Variants in CNBD1 observed in about 807,000 individuals in gnomAD.
CNBD1 encodes the protein cyclic nucleotide-binding domain-containing protein 1.
In CNBD1, 71 loss-of-function variants were observed where a neutral mutation model predicts 54.4. The observed-to-expected ratio is 1.30, with a 90% CI of 1.08 to 1.59. The LOEUF is 1.59. CNBD1 is among the 40% of genes most tolerant of loss of function. CNBD1 has a pLI of 0.00. For synonymous variants in CNBD1, 182 were observed against 170.7 expected (o/e 1.07, Z -0.51); for missense variants, 659 against 518.0 (o/e 1.27, Z -2.64).
intron 8 of CNBD1, among the ~76,000 whole-genome samples, chr8:87,334,929 T>G (rs1158286655): frequency 6.6e-6 from 1 of 151,950 alleles, no homozygotes; most frequent in African/African-American, 2.4e-5. Flanking sequence ...TTCCACCATT[T>G]TGGCCAGGAT....
At chr8:87,312,301 A>G (rs183764951) in intron 8 of CNBD1, among the ~76,000 whole-genome samples, 1 of 152,202 alleles carries the variant, frequency 6.6e-6, no homozygotes, top group African/African-American at 2.4e-5. Context: ...TTTTGTAACA[A>G]TTGTGTGTGA....
In CNBD1 at chr8:87,228,589, T is replaced by A. The variant is rs373660573; in HGVS notation, c.578-8330T>A. ...GTCAGGGACCCACTTGAGGAGGCAG[T>A]CCGCCCGTTCTCAGATCTCCAGCTG... On this transcript the variant is annotated intron_variant, in intron 5 of 10. Transcript: ENST00000518476. Among the ~76,000 whole-genome samples the A allele has an allele frequency of 2.6e-4, 40 of 151,036 alleles. No individual in the cohort carries two copies. The East Asian group carries it at 6.8e-3, about 26-fold the overall frequency.
At position 87,005,374 on chromosome 8, in the gene CNBD1, A is replaced by G. The variant is rs548761206; in HGVS notation, c.431+65620A>G. ...AACAGAGCGAGACTCCGTCTCAAAA[A>G]AAAAAAAGTCTCAGGTCACCAAATC... On this transcript the variant is annotated intron_variant, in intron 4 of 10. Transcript: ENST00000518476. 3.9e-4 allele frequency among the ~76,000 whole-genome samples: 60 copies of G among 152,196 alleles called. No homozygotes were observed. The South Asian group carries it at 0.012, about 29-fold the overall frequency.
Position 87,335,641 on chromosome 8 carries a change from G to A in CNBD1, c.1043-16044G>A, listed in dbSNP as rs185446657. Among the ~76,000 whole-genome samples the A allele has an allele frequency of 1.8e-4, 27 of 152,118 alleles. No individual in the cohort carries two copies. In the East Asian group the frequency reaches 4.3e-3, roughly 24 times the overall value. On this transcript the variant is annotated intron_variant, in intron 8 of 10. Coordinates refer to ENST00000518476, the MANE Select transcript of CNBD1 (RefSeq NM_173538.3). ...TCTCTTGAATATAGCACACCAATGG[G>A]TCTTGACTCTTTATCCAATTTGTCA...
At chr8:86,938,240 C>A (rs531452052) in intron 3 of CNBD1, among the ~76,000 whole-genome samples, 1 of 152,102 alleles carries the variant, frequency 6.6e-6, no homozygotes, top group Non-Finnish European at 1.5e-5. Flanking sequence ...CTTTTTTGCC[C>A]ATATCACTAT....
chr8:86,946,121 AT>A (rs1403401568), intron 4 of CNBD1, among the ~76,000 whole-genome samples: 3 of 152,130 alleles, frequency 2.0e-5, no homozygotes, highest in Non-Finnish European at 4.4e-5. Context: ...AGAATGTTAC[AT>A]ACTGTGATTG....
intron 3 of CNBD1, 26 bp downstream of exon 3, chr8:86,905,220 A>G: frequency 1.5e-6 from 2 of 1,316,298 alleles, no homozygotes; most frequent in Non-Finnish European, 2.2e-6. Context: ...TTTGAAAGCA[A>G]GGTTGATGGG....
At chr8:87,360,186 G>A (rs936192781) in intron 10 of CNBD1, among the ~76,000 whole-genome samples, 1 of 151,868 alleles carries the variant, frequency 6.6e-6, no homozygotes, top group African/African-American at 2.4e-5. Flanking sequence ...ATAGAATCTA[G>A]AGAATATTAA....
intron 2 of CNBD1, among the ~76,000 whole-genome samples, chr8:86,903,111 CA>C (rs1808964479): frequency 6.6e-6 from 1 of 152,028 alleles, no homozygotes; most frequent in Admixed American, 6.6e-5. Flanking sequence ...TTGACTCTTC[CA>C]TTTCAACCTT....
chr8:86,936,271 A>T (rs1240305718), intron 3 of CNBD1, among the ~76,000 whole-genome samples: 1 of 152,232 alleles, frequency 6.6e-6, no homozygotes, highest in African/African-American at 2.4e-5. Flanking sequence ...CTAAAGAAAA[A>T]GGGAAAAAAT....
chr8:87,064,317 TTTA>T (rs1810604180), intron 4 of CNBD1, among the ~76,000 whole-genome samples: 3 of 152,116 alleles, frequency 2.0e-5, no homozygotes, highest in African/African-American at 7.2e-5. Context: ...TTTGTATATT[TTTA>T]TTATATGGTT....
intron 8 of CNBD1, among the ~76,000 whole-genome samples, chr8:87,344,167 A>T (rs557260240): frequency 2.0e-5 from 3 of 152,110 alleles, no homozygotes; most frequent in Non-Finnish European, 4.4e-5. Context: ...TATTTAACCC[A>T]ACATAATGTG....
At chr8:87,063,371 T>C (rs1810584041) in intron 4 of CNBD1, among the ~76,000 whole-genome samples, 1 of 152,166 alleles carries the variant, frequency 6.6e-6, no homozygotes, top group Non-Finnish European at 1.5e-5. Context: ...CCCAGCACCA[T>C]TTATTGAAAA....
At chr8:87,265,759 T>G (rs1287862900) in intron 6 of CNBD1, among the ~76,000 whole-genome samples, 1 of 152,120 alleles carries the variant, frequency 6.6e-6, no homozygotes, top group African/African-American at 2.4e-5. Flanking sequence ...GTAGAATAAT[T>G]GTGACAGAAA....
chr8:87,148,531 G>T (rs1315653866), intron 4 of CNBD1, among the ~76,000 whole-genome samples: 1 of 152,148 alleles, frequency 6.6e-6, no homozygotes, highest in Non-Finnish European at 1.5e-5. Flanking sequence ...AATTAGATTT[G>T]CATTCAGGCT....
chr8:87,383,427 GTTATTATT>G (rs1811126797), downstream of CNBD1, among the ~76,000 whole-genome samples: 2 of 152,118 alleles, frequency 1.3e-5, no homozygotes, highest in South Asian at 4.1e-4. Context: ...AAAAATGTCT[GTTATTATT>G]TTAGAGATAA....
chr8:87,303,085 C>G (rs1337294657), intron 8 of CNBD1, among the ~76,000 whole-genome samples: 6 of 151,940 alleles, frequency 3.9e-5, no homozygotes, highest in African/African-American at 1.4e-4. Flanking sequence ...AGATTCAATG[C>G]TATCCCCATC....
intron 2 of CNBD1, among the ~76,000 whole-genome samples, chr8:87,400,138 G>A (rs974874961): frequency 6.6e-6 from 1 of 151,810 alleles, no homozygotes; most frequent in African/African-American, 2.4e-5. Context: ...CGACTCCCGA[G>A]GATTCTCATA....
At chr8:87,342,805 A>G (rs1810094471) in intron 8 of CNBD1, among the ~76,000 whole-genome samples, 2 of 152,164 alleles carry the variant, frequency 1.3e-5, no homozygotes, top group South Asian at 4.1e-4. Flanking sequence ...TCACAAGGCA[A>G]GGGCAAAATT....
Sources: gnomAD v4.1 joint callset for allele counts (sites outside exome capture counted in the v4.1 genomes callset) on GRCh38, gnomAD v4.1.1 for gene constraint, MANE v1.5 for transcripts, NCBI Gene and HGNC (gene_info 2026-07-23, HGNC 2026-07-21) for gene names.